The following CDH13 variants were observed in gnomAD, a reference collection of about 807,000 sequenced individuals.
CDH13 encodes the protein cadherin 13.
A neutral mutation model predicts 63.8 loss-of-function variants in CDH13; 24 were observed. That is an observed-to-expected ratio of 0.38 (90% CI 0.27 to 0.53). The LOEUF is 0.53. Ranked by LOEUF, CDH13 falls within the 20% of genes least tolerant of loss-of-function variation. The pLI is 0.85. For missense variants in CDH13, 1,049 were observed against 903.1 expected (o/e 1.16, Z -2.07); for synonymous variants, 503 against 355.3 (o/e 1.42, Z -4.67).
At chr16:83,229,092 A>G (rs2039929568) in intron 5 of CDH13, among the ~76,000 whole-genome samples, 2 of 152,188 alleles carry the variant, frequency 1.3e-5, no homozygotes, top group South Asian at 4.1e-4. Flanking sequence ...CTCACAGGGC[A>G]GGATAAGGTG....
chr16:82,878,810 C>T (rs1407082196), intron 2 of CDH13, among the ~76,000 whole-genome samples: 1 of 151,946 alleles, frequency 6.6e-6, no homozygotes, highest in African/African-American at 2.4e-5. Context: ...GCAATTGTGC[C>T]TTTCTAGGTG....
At chr16:83,654,123 T>C (rs1912650469) in intron 8 of CDH13, among the ~76,000 whole-genome samples, 1 of 152,014 alleles carries the variant, frequency 6.6e-6, no homozygotes, top group South Asian at 2.1e-4. Flanking sequence ...GATAAAAGTG[T>C]GGATAGAGGA....
intron 5 of CDH13, among the ~76,000 whole-genome samples, chr16:83,276,900 T>C (rs2089006961): frequency 6.6e-6 from 1 of 152,122 alleles, no homozygotes; most frequent in Non-Finnish European, 1.5e-5. Context: ...ATGTCACATC[T>C]TACGTAGATG....
At chr16:83,181,256 G>T (rs1160772952) in intron 4 of CDH13, among the ~76,000 whole-genome samples, 1 of 152,192 alleles carries the variant, frequency 6.6e-6, no homozygotes, top group Non-Finnish European at 1.5e-5. Context: ...GTGTTTAATT[G>T]CAACGTGTCC....
At chr16:82,708,013 A>G (rs1480303247) in intron 1 of CDH13, among the ~76,000 whole-genome samples, 1 of 152,132 alleles carries the variant, frequency 6.6e-6, no homozygotes, top group East Asian at 1.9e-4. Flanking sequence ...CTGTGTAATC[A>G]TTCCATCTTT....
chr16:83,464,287 T>G (rs1249063760), intron 6 of CDH13, among the ~76,000 whole-genome samples: 1 of 151,890 alleles, frequency 6.6e-6, no homozygotes, highest in African/African-American at 2.4e-5. Flanking sequence ...CCAAGGTGGG[T>G]GGATCATGTG....
chr16:83,160,677 G>A (rs2037410162), intron 4 of CDH13, among the ~76,000 whole-genome samples: 1 of 152,108 alleles, frequency 6.6e-6, no homozygotes, highest in Admixed American at 6.6e-5. Flanking sequence ...GATCTGGAGG[G>A]AAAGAAAAGA....
At chr16:83,672,216 A>T (rs772292743) in intron 9 of CDH13, among the ~76,000 whole-genome samples, 1 of 152,046 alleles carries the variant, frequency 6.6e-6, no homozygotes, top group African/African-American at 2.4e-5. Flanking sequence ...TTGAGTTGTT[A>T]TAATGAAGTA....
intron 7 of CDH13, among the ~76,000 whole-genome samples, chr16:83,506,300 C>A (rs1307608939): frequency 6.6e-6 from 1 of 152,138 alleles, no homozygotes; most frequent in Non-Finnish European, 1.5e-5. Flanking sequence ...GGGAATGGGG[C>A]AGTTCCTGGG....
At chr16:82,654,779 G>T (rs954039664) in intron 1 of CDH13, among the ~76,000 whole-genome samples, 19 of 151,838 alleles carry the variant, frequency 1.3e-4, no homozygotes, top group African/African-American at 4.6e-4. Context: ...CAGAAAGGAT[G>T]AGGGCAGCTT....
intron 7 of CDH13, among the ~76,000 whole-genome samples, chr16:83,530,645 A>G (rs200570323): frequency 2.6e-5 from 4 of 152,164 alleles, no homozygotes; most frequent in East Asian, 3.8e-4. Context: ...TCTGCCCATC[A>G]TCTTAACCAC....
At chr16:82,736,907 C>G (rs1308257161) in intron 1 of CDH13, among the ~76,000 whole-genome samples, 1 of 152,152 alleles carries the variant, frequency 6.6e-6, no homozygotes, top group Non-Finnish European at 1.5e-5. Flanking sequence ...TGGGCAGTTC[C>G]TCCACCTTTC....
At chr16:83,376,829 C>G (rs912539810) in intron 6 of CDH13, among the ~76,000 whole-genome samples, 2 of 152,100 alleles carry the variant, frequency 1.3e-5, no homozygotes, top group African/African-American at 4.8e-5. Context: ...AAGTGACACT[C>G]TGCCACTTCT....
At chr16:83,125,230 T>C (rs2035758408) in intron 3 of CDH13, among the ~76,000 whole-genome samples, 155 bp from the exon 4 acceptor site, 1 of 152,226 alleles carries the variant, frequency 6.6e-6, no homozygotes, top group Non-Finnish European at 1.5e-5. Flanking sequence ...ATTATTCTAG[T>C]AATGTACTTG....
At chr16:83,657,981 CAGGTCCCATATCCTCACCAGCA>C (rs1221376466) in intron 8 of CDH13, among the ~76,000 whole-genome samples, 8 of 149,548 alleles carry the variant, frequency 5.3e-5, no homozygotes, top group South Asian at 4.2e-4. Context: ...TCCTCACCAC[CAGGTCCCATATCCTCACCAGCA>C]AGGTCCCATA....
chr16:83,024,651 G>GA (rs1418625213), intron 2 of CDH13, among the ~76,000 whole-genome samples: 1 of 152,156 alleles, frequency 6.6e-6, no homozygotes, highest in Non-Finnish European at 1.5e-5. Context: ...TGAAGAAGAC[G>GA]ACATGAAGAT....
intron 7 of CDH13, among the ~76,000 whole-genome samples, chr16:83,514,234 C>A (rs1283369400): frequency 6.6e-6 from 1 of 152,204 alleles, no homozygotes; most frequent in African/African-American, 2.4e-5. Context: ...AGGGTCCTCC[C>A]CAAATTCATG....
At chr16:83,278,698 T>C (rs1358530198) in intron 5 of CDH13, among the ~76,000 whole-genome samples, 2 of 152,178 alleles carry the variant, frequency 1.3e-5, no homozygotes, top group African/African-American at 2.4e-5. Flanking sequence ...GTCTTTCATA[T>C]GTCAGCAGAG....
intron 1 of CDH13, among the ~76,000 whole-genome samples, chr16:82,857,539 A>G (rs1378983835): frequency 6.6e-6 from 1 of 152,224 alleles, no homozygotes; most frequent in East Asian, 1.9e-4. Flanking sequence ...TACATCTCAT[A>G]CATTATGTTC....
Sources: gnomAD v4.1 joint callset for allele counts (sites outside exome capture counted in the v4.1 genomes callset) on GRCh38, gnomAD v4.1.1 for gene constraint, MANE v1.5 for transcripts, NCBI Gene and HGNC (gene_info 2026-07-23, HGNC 2026-07-21) for gene names.